The following RAF1 variants were observed in gnomAD, a reference collection of about 807,000 sequenced individuals.
RAF1 encodes the protein Raf-1 proto-oncogene, serine/threonine kinase, also known as RAF proto-oncogene serine/threonine-protein kinase.
Under a neutral mutation model 81.1 loss-of-function variants are expected in RAF1, and 27 were observed. The observed-to-expected ratio is 0.33, with a 90% CI of 0.25 to 0.46. The LOEUF (loss-of-function observed/expected upper bound fraction) is 0.46. Among genes scored for constraint, RAF1 ranks in the 20% least tolerant of loss-of-function variants. The pLI, the probability that RAF1 is intolerant of heterozygous loss-of-function variation, is 1.00. For missense variants in RAF1, 598 were observed against 826.0 expected (o/e 0.72, Z 3.38); for synonymous variants, 298 against 294.0 (o/e 1.01, Z -0.14).
intron 5 of RAF1, among the ~76,000 whole-genome samples, chr3:12,608,044 A>G (rs2059095628): frequency 6.6e-6 from 1 of 152,066 alleles, no homozygotes; most frequent in East Asian, 1.9e-4. Flanking sequence ...CTCATCACAA[A>G]ATCAATACGT....
intron 1 of RAF1, among the ~76,000 whole-genome samples, chr3:12,656,256 T>A (rs183758942): frequency 7.2e-5 from 11 of 151,948 alleles, no homozygotes; most frequent in African/African-American, 2.7e-4. Flanking sequence ...TCTCTGGGTA[T>A]AACTTTCTTC....
intron 2 of RAF1, among the ~76,000 whole-genome samples, chr3:12,616,120 A>G (rs2059361484): frequency 6.6e-6 from 1 of 152,224 alleles, no homozygotes; most frequent in Non-Finnish European, 1.5e-5. Context: ...TGTGCTAAGT[A>G]CAAGCCTCAT....
intron 14 of RAF1, among the ~76,000 whole-genome samples, chr3:12,586,414 A>T (rs60565167): frequency 0.01 from 1,590 of 152,316 alleles, 21 homozygotes; most frequent in African/African-American, 0.036. Flanking sequence ...AAAAAAAATT[A>T]AAAAAGAACA....
At chr3:12,587,837 C>CATTTTTTTTTTTTTTTT (rs1452419085) in intron 13 of RAF1, 200 bp from the exon 13 acceptor site, 1 of 188,432 alleles carries the variant, frequency 5.3e-6, no homozygotes, top group Admixed American at 7.3e-5. Context: ...ATGCTTACAC[C>CATTTTTTTTTTTTTTTT]TTTTTTTTTT....
At chr3:12,647,592 TCAAACAAACAAA>T (rs34420595) in intron 1 of RAF1, among the ~76,000 whole-genome samples, 1 of 151,526 alleles carries the variant, frequency 6.6e-6, no homozygotes, top group African/African-American at 2.4e-5. Flanking sequence ...AGACCCTGTC[TCAAACAAACAAA>T]CAAACAAACA....
In RAF1 at chr3:12,616,977, C is replaced by A. The variant is rs1467726127; in HGVS notation, c.207+1538G>T. Among the ~76,000 whole-genome samples the A allele has an allele frequency of 2.0e-5, 3 of 152,138 alleles. No homozygotes were observed. In the South Asian group the frequency reaches 6.2e-4, roughly 32 times the overall value. On this transcript the variant is annotated intron_variant, in intron 2 of 17. Coordinates refer to ENST00000442415, the MANE Select transcript of RAF1 (RefSeq NM_001354689.3). ...AGAAGGGGTCTGGCTCTCTGTCACC[C>A]AGGCTGGGGTGAAGTGGTGCAATCT...
At position 12,586,357 on chromosome 3, in the gene RAF1, C is replaced by T. The variant is rs549016567; in HGVS notation, c.1478-558G>A. ...TTCAAAATGAGAACTGAAGTCGGCT[C>T]GCTTCTGGGTAAAGAAGTCATACAG... On this transcript the variant is annotated intron_variant, in intron 14 of 17. Coordinates refer to ENST00000442415, the MANE Select transcript of RAF1 (RefSeq NM_001354689.3). 1.9e-4 allele frequency among the ~76,000 whole-genome samples: 29 copies of T among 152,098 alleles called. No individual in the cohort carries two copies. The South Asian group carries it at 5.0e-3, about 26-fold the overall frequency.
chr3:12,638,339 T>C (rs886709320), intron 1 of RAF1, among the ~76,000 whole-genome samples: 2 of 152,160 alleles, frequency 1.3e-5, no homozygotes, highest in African/African-American at 4.8e-5. Context: ...GCCAAGAGAC[T>C]ATACTCAGAA....
intron 1 of RAF1, among the ~76,000 whole-genome samples, chr3:12,626,699 C>T (rs1161871223): frequency 6.6e-6 from 1 of 151,866 alleles, no homozygotes; most frequent in East Asian, 1.9e-4. Flanking sequence ...CATTTCTGCT[C>T]AATGATAAAG....
In RAF1 at chr3:12,616,947, C is replaced by CT. The variant is rs562816331; in HGVS notation, c.207+1567dup. 1.6e-4 allele frequency among the ~76,000 whole-genome samples: 24 copies of CT among 152,058 alleles called. No individual in the cohort carries two copies. In the East Asian group the frequency reaches 4.6e-3, roughly 29 times the overall value. ...AGAAAACTTTTTTTGTTTTTCTTTT[C>CT]TTTGAGAAGGGGTCTGGCTCTCTGT... On this transcript the variant is annotated intron_variant, in intron 2 of 17. Transcript: ENST00000442415.
rs566717876 is a variant in RAF1 at position 12,662,473 on chromosome 3, G to A, written c.-27+1340C>T. Among the ~76,000 whole-genome samples, 4 of 151,216 alleles carry A rather than the reference G, an allele frequency of 2.6e-5. No homozygotes were observed. The South Asian group carries it at 8.3e-4, about 31-fold the overall frequency. ...ATCAGCTTCAACATCAACAAAGGGA[G>A]AAAATTATCAGCAAGAATGAAGACT... On this transcript the variant is annotated intron_variant, in intron 1 of 17. Coordinates refer to ENST00000442415, the MANE Select transcript of RAF1 (RefSeq NM_001354689.3).
At chr3:12,590,315 AC>A (rs2058469904) in intron 13 of RAF1, 1 of 104,740 alleles carries the variant, frequency 9.5e-6, no homozygotes, top group Non-Finnish European at 1.8e-5. Flanking sequence ...CCAAGGAGGA[AC>A]CTGAACTTCT....
chr3:12,591,016 G>A, intron 12 of RAF1, 42 bp from the exon 12 acceptor site: 1 of 1,537,958 alleles, frequency 6.5e-7, no homozygotes, highest in Non-Finnish European at 8.9e-7. Context: ...GGAGGAAAGT[G>A]CTCAGGGAGG....
At chr3:12,586,467 T>C (rs1014770914) in intron 14 of RAF1, among the ~76,000 whole-genome samples, 1 of 152,216 alleles carries the variant, frequency 6.6e-6, no homozygotes, top group African/African-American at 2.4e-5. Context: ...CTTGTGATGT[T>C]GGTGCCCAGG....
intron 1 of RAF1, among the ~76,000 whole-genome samples, chr3:12,659,877 T>A (rs1434100537): frequency 1.3e-5 from 2 of 152,152 alleles, no homozygotes; most frequent in Non-Finnish European, 2.9e-5. Flanking sequence ...CCTATTATGA[T>A]CCTAACATGC....
intron 1 of RAF1, among the ~76,000 whole-genome samples, chr3:12,643,866 G>T (rs904449685): frequency 2.0e-5 from 3 of 152,098 alleles, no homozygotes; most frequent in African/African-American, 4.8e-5. Flanking sequence ...TCATAATCCA[G>T]AAGAATATAG....
chr3:12,635,226 G>A (rs1410979506), intron 1 of RAF1, among the ~76,000 whole-genome samples: 3 of 150,374 alleles, frequency 2.0e-5, no homozygotes, highest in African/African-American at 7.3e-5. Flanking sequence ...GGCTGACGCA[G>A]GAGAATTGCT....
intron 1 of RAF1, among the ~76,000 whole-genome samples, chr3:12,643,885 T>C (rs570866777): frequency 1.9e-4 from 29 of 152,300 alleles, no homozygotes; most frequent in Middle Eastern, 3.4e-3. Flanking sequence ...AGGGTTGTGA[T>C]AAAGGCATTT....
intron 1 of RAF1, among the ~76,000 whole-genome samples, chr3:12,630,629 T>G (rs1415121922): frequency 1.3e-5 from 2 of 152,140 alleles, no homozygotes; most frequent in African/African-American, 4.8e-5. Context: ...TGAAAATCCT[T>G]TGTACAAGGA....
Sources: gnomAD v4.1 joint callset for allele counts (sites outside exome capture counted in the v4.1 genomes callset) on GRCh38, gnomAD v4.1.1 for gene constraint, MANE v1.5 for transcripts, NCBI Gene and HGNC (gene_info 2026-07-23, HGNC 2026-07-21) for gene names.